TFDP2: variants seen among roughly 807,000 people sequenced by gnomAD.
The protein encoded by TFDP2 is transcription factor Dp-2, also known as transcription factor Dp-2 (E2F dimerization partner 2).
In TFDP2, 17 loss-of-function variants were observed where a neutral mutation model predicts 59.3. That is an observed-to-expected ratio of 0.29 (90% confidence interval 0.20 to 0.43). The LOEUF is 0.43. Ranked by LOEUF, TFDP2 falls within the 20% of genes least tolerant of loss-of-function variation. The pLI is 1.00. For synonymous variants in TFDP2, 180 were observed against 194.7 expected, an observed-to-expected ratio of 0.92 and a Z score of 0.63; for missense variants, 391 against 528.8, an observed-to-expected ratio of 0.74 and a Z score of 2.56.
intron 3 of TFDP2, among the ~76,000 whole-genome samples, chr3:142,057,768 A>G (rs1209903660): frequency 6.6e-6 from 1 of 152,224 alleles, no homozygotes; most frequent in Non-Finnish European, 1.5e-5. Flanking sequence ...GGTAATACCT[A>G]TAGAATTATG....
chr3:141,959,924 A>G lies in TFDP2; in HGVS notation c.885-84T>C, dbSNP rs1055690144. On this transcript the variant is annotated intron_variant, in intron 10 of 12. Coordinates refer to ENST00000489671, the MANE Select transcript of TFDP2 (RefSeq NM_001178139.2). ...TGTATTCTATAGTTTAAGTAACAGAATGGGGGCCTAAATCCAGCTATAGTG... is the reference window on the plus strand; with the variant it reads ...TGTATTCTATAGTTTAAGTAACAGAGTGGGGGCCTAAATCCAGCTATAGTG... 1.2e-5 allele frequency: 16 copies of G among 1,354,870 alleles called. No individual in the cohort carries two copies. In the African/African-American group the frequency reaches 1.9e-4, roughly 16 times the overall value. 83.9% of individuals were successfully genotyped at this position (1,354,870 alleles called of 1,614,324 possible). A position where few individuals can be genotyped will look rare whatever the true frequency, so the allele number is the denominator to read the frequency against.
chr3:141,978,738 C>T lies in TFDP2; in HGVS notation c.357-56G>A, dbSNP rs369487099. The T allele has an allele frequency of 1.0e-4, 130 of 1,299,676 alleles. No individual in the cohort carries two copies. The African/African-American group carries it at 1.8e-3, about 18-fold the overall frequency. 80.5% of individuals were successfully genotyped at this position (1,299,676 alleles called of 1,614,324 possible). On this transcript the variant is annotated intron_variant, in intron 6 of 12. Transcript: ENST00000489671. Reference sequence around the variant, plus strand: ...TTATACATATTAGAGACTTTCTTTACAAATCTCTGTAAGATAATGCAAGAA... The same window carrying T: ...TTATACATATTAGAGACTTTCTTTATAAATCTCTGTAAGATAATGCAAGAA...
intron 4 of TFDP2, among the ~76,000 whole-genome samples, chr3:142,004,386 ACATT>A (rs1353876786): frequency 6.6e-6 from 1 of 152,240 alleles, no homozygotes; most frequent in Admixed American, 6.5e-5. Flanking sequence ...GTGCTGTTGT[ACATT>A]ATGGGTAAAA....
intron 3 of TFDP2, among the ~76,000 whole-genome samples, chr3:142,016,295 C>T (rs944826783): frequency 8.6e-6 from 1 of 116,544 alleles, no homozygotes; most frequent in East Asian, 2.5e-4. Context: ...CCACCACGCC[C>T]AGCAACATTT....
chr3:142,002,995 A>C (rs1447456182), intron 4 of TFDP2, among the ~76,000 whole-genome samples: 1 of 150,638 alleles, frequency 6.6e-6, no homozygotes, highest in Non-Finnish European at 1.5e-5. Flanking sequence ...GGGGGCAAAG[A>C]GCTCCCTTCA....
At chr3:141,974,907 C>CTTTTTTTT (rs753702830) in intron 7 of TFDP2, among the ~76,000 whole-genome samples, 33 of 90,484 alleles carry the variant, frequency 3.6e-4, no homozygotes, top group African/African-American at 6.4e-4. Flanking sequence ...TCTTCTTCTT[C>CTTTTTTTT]TTTTTTTTTT....
intron 3 of TFDP2, among the ~76,000 whole-genome samples, chr3:142,091,540 T>C (rs915598712): frequency 6.6e-6 from 1 of 151,552 alleles, no homozygotes; most frequent in African/African-American, 2.4e-5. Context: ...CACTCCAGCC[T>C]GGGCAACAGA....
In TFDP2 at chr3:141,981,039, C is replaced by T. The variant is rs142584441; in HGVS notation, c.357-2357G>A. Among the ~76,000 whole-genome samples, 4 of 152,116 alleles carry T rather than the reference C, an allele frequency of 2.6e-5. No individual in the cohort carries two copies. The East Asian group carries it at 7.7e-4, about 29-fold the overall frequency. On this transcript the variant is annotated intron_variant, in intron 6 of 12. Transcript: ENST00000489671. Reference sequence around the variant, plus strand: ...AGTAGTGTGCAGTAAATTCCTAGGCCTTCACATTCACTCACCACTCACTGA... The same window carrying T: ...AGTAGTGTGCAGTAAATTCCTAGGCTTTCACATTCACTCACCACTCACTGA...
Position 142,132,875 on chromosome 3 carries a change from A to G in TFDP2, c.-93+16308T>C, listed in dbSNP as rs1254585006. On this transcript the variant is annotated intron_variant, in intron 1 of 12. Coordinates refer to ENST00000489671, the MANE Select transcript of TFDP2 (RefSeq NM_001178139.2). ...AAAAGAAGATGAACAATAGAAAAATATATGATATTCTTGGATAAGACAATT... is the reference window on the plus strand; with the variant it reads ...AAAAGAAGATGAACAATAGAAAAATGTATGATATTCTTGGATAAGACAATT... 1.3e-5 allele frequency among the ~76,000 whole-genome samples: 2 copies of G among 149,810 alleles called. 1 individual carries two copies. The highest frequency in any genetic ancestry group is 5.1e-5 in the African/African-American group (2 of 39,488).
intron 3 of TFDP2, among the ~76,000 whole-genome samples, chr3:142,031,729 T>C (rs188194951): frequency 3.3e-5 from 5 of 152,340 alleles, no homozygotes; most frequent in Non-Finnish European, 1.5e-5. Flanking sequence ...ACTGATTTAT[T>C]TGGACTGGAG....
chr3:142,141,400 G>A (rs2062958337), intron 1 of TFDP2, among the ~76,000 whole-genome samples: 2 of 152,214 alleles, frequency 1.3e-5, no homozygotes, highest in Admixed American at 1.3e-4. Context: ...GTCCCAATGA[G>A]ATGAACCAGG....
intron 6 of TFDP2, among the ~76,000 whole-genome samples, chr3:141,987,745 T>G (rs1430195238): frequency 2.9e-4 from 42 of 143,590 alleles, no homozygotes; most frequent in Non-Finnish European, 4.7e-4. Context: ...CTGGCCAACA[T>G]GGTGAAATCC....
chr3:141,971,321 AC>A (rs1383358574), intron 8 of TFDP2, among the ~76,000 whole-genome samples: 4 of 139,590 alleles, frequency 2.9e-5, no homozygotes, highest in Non-Finnish European at 6.0e-5. Context: ...GGAGTTCGAG[AC>A]CAGCCTGGCC....
chr3:142,096,903 G>A (rs1191155810), intron 2 of TFDP2, among the ~76,000 whole-genome samples: 1 of 152,160 alleles, frequency 6.6e-6, no homozygotes, highest in Non-Finnish European at 1.5e-5. Context: ...AAATGATTAT[G>A]TAAATTTATC....
intron 8 of TFDP2, among the ~76,000 whole-genome samples, 154 bp downstream of exon 8, chr3:141,973,894 C>T (rs1458692274): frequency 1.3e-5 from 2 of 151,996 alleles, no homozygotes; most frequent in African/African-American, 4.8e-5. Flanking sequence ...CTATAAGGCG[C>T]CTTCCAATTC....
intron 1 of TFDP2, among the ~76,000 whole-genome samples, chr3:142,103,097 G>T (rs1451177476): frequency 3.9e-5 from 6 of 152,080 alleles, no homozygotes; most frequent in Admixed American, 3.9e-4. Flanking sequence ...AATTAGCTGG[G>T]TGTGGTGGTG....
intron 3 of TFDP2, among the ~76,000 whole-genome samples, chr3:142,042,619 T>C (rs1947044913): frequency 9.0e-6 from 1 of 111,640 alleles, no homozygotes; most frequent in South Asian, 2.8e-4. Flanking sequence ...TTCTTTCTTT[T>C]CTTTTCTTTT....
chr3:142,025,215 T>C (rs1446460907), intron 3 of TFDP2, among the ~76,000 whole-genome samples: 2 of 152,070 alleles, frequency 1.3e-5, no homozygotes, highest in Non-Finnish European at 2.9e-5. Context: ...TCTCATAGAG[T>C]ATAAATCAAC....
At chr3:142,073,101 G>T (rs920600913) in intron 3 of TFDP2, among the ~76,000 whole-genome samples, 2 of 152,188 alleles carry the variant, frequency 1.3e-5, no homozygotes, top group African/African-American at 4.8e-5. Context: ...ATGCTGTGAT[G>T]AAAATGTCAC....
Sources: allele counts gnomAD v4.1 joint callset (sites outside exome capture counted in the v4.1 genomes callset), GRCh38; gene constraint gnomAD v4.1.1; transcripts MANE v1.5; gene names NCBI Gene and HGNC (gene_info 2026-07-23, HGNC 2026-07-21).